The following COL22A1 variants were observed in gnomAD, a reference collection of about 807,000 sequenced individuals.
The protein encoded by COL22A1 is collagen alpha-1(XXII) chain.
A neutral mutation model predicts 248.9 loss-of-function variants in COL22A1; 221 were observed. The ratio of observed to expected loss-of-function variants is 0.89; its 90% CI spans 0.80 to 0.99. The LOEUF is 0.99. COL22A1 is among the 50% of genes least tolerant of loss of function. The pLI is 0.00. For synonymous variants in COL22A1, 891 were observed against 793.4 expected (o/e 1.12, Z -2.07); for missense variants, 2,240 against 2,179.0 (o/e 1.03, Z -0.56).
intron 3 of COL22A1, among the ~76,000 whole-genome samples, chr8:138,848,230 G>A (rs1821385376): frequency 6.6e-6 from 1 of 152,140 alleles, no homozygotes; most frequent in African/African-American, 2.4e-5. Context: ...CAAAGACACT[G>A]CTTCCTTAAA....
At chr8:138,615,012 T>C (rs1237132503) in intron 55 of COL22A1, among the ~76,000 whole-genome samples, 1 of 152,194 alleles carries the variant, frequency 6.6e-6, no homozygotes, top group African/African-American at 2.4e-5. Flanking sequence ...CTGGTGCCTC[T>C]GCATCTGACC....
intron 41 of COL22A1, among the ~76,000 whole-genome samples, chr8:138,664,207 G>A (rs867453726): frequency 0.01 from 900 of 87,448 alleles, 5 homozygotes; most frequent in Middle Eastern, 0.018. Context: ...GCGCGCGCGC[G>A]CGCACACACA....
chr8:138,618,291 A>C (rs1257517323), intron 53 of COL22A1, among the ~76,000 whole-genome samples: 1 of 152,194 alleles, frequency 6.6e-6, no homozygotes, highest in East Asian at 1.9e-4. Flanking sequence ...AACCCACTCC[A>C]TTCTACAAAG....
intron 16 of COL22A1, among the ~76,000 whole-genome samples, chr8:138,766,230 C>T (rs1194243762): frequency 3.3e-5 from 5 of 152,178 alleles, no homozygotes. Flanking sequence ...AGTCTGGAGC[C>T]AAGAGTTCCT....
At chr8:138,847,215 T>C (rs1187365738) in intron 3 of COL22A1, among the ~76,000 whole-genome samples, 1 of 152,156 alleles carries the variant, frequency 6.6e-6, no homozygotes, top group Non-Finnish European at 1.5e-5. Flanking sequence ...TCCAAACCCA[T>C]AACAGGCCTT....
chr8:138,795,878 T>C (rs1343927497), intron 12 of COL22A1, among the ~76,000 whole-genome samples: 1 of 152,128 alleles, frequency 6.6e-6, no homozygotes, highest in Non-Finnish European at 1.5e-5. Context: ...TGTAACTTAA[T>C]GGAGTGTTAC....
chr8:138,746,719 T>C (rs1252572509), intron 22 of COL22A1, among the ~76,000 whole-genome samples: 1 of 152,266 alleles, frequency 6.6e-6, no homozygotes, highest in Non-Finnish European at 1.5e-5. Context: ...TCACTCTTAG[T>C]TCACTCTCCT....
At chr8:138,839,083 G>C (rs1434625597) in intron 4 of COL22A1, among the ~76,000 whole-genome samples, 1 of 152,148 alleles carries the variant, frequency 6.6e-6, no homozygotes, top group East Asian at 1.9e-4. Context: ...AGCTCTTTCA[G>C]GAAAGGGATG....
chr8:138,865,029 T>C (rs768654718), intron 3 of COL22A1, among the ~76,000 whole-genome samples: 15 of 152,324 alleles, frequency 9.8e-5, no homozygotes, highest in Admixed American at 3.9e-4. Flanking sequence ...TGTTGTTAGA[T>C]TGATGTAAAT....
chr8:138,853,183 A>C (rs1821768722), intron 3 of COL22A1, among the ~76,000 whole-genome samples: 1 of 152,136 alleles, frequency 6.6e-6, no homozygotes, highest in South Asian at 2.1e-4. Flanking sequence ...TCAAAAAAGA[A>C]GGGGCAGCAT....
At chr8:138,789,561 C>G (rs1440150817) in intron 12 of COL22A1, among the ~76,000 whole-genome samples, 1 of 152,192 alleles carries the variant, frequency 6.6e-6, no homozygotes, top group Non-Finnish European at 1.5e-5. Context: ...TTTATATTTT[C>G]TGGTTCAGAG....
chr8:138,807,914 C>T, intron 9 of COL22A1, 102 bp from the exon 10 acceptor site: 4 of 1,191,248 alleles, frequency 3.4e-6, no homozygotes, highest in Non-Finnish European at 4.9e-6. Context: ...AAGCCAATGG[C>T]TTAGTAAGCC....
At chr8:138,715,992 C>G (rs1359085572) in intron 29 of COL22A1, among the ~76,000 whole-genome samples, 1 of 152,172 alleles carries the variant, frequency 6.6e-6, no homozygotes, top group Non-Finnish European at 1.5e-5. Context: ...CCATCTGCCT[C>G]CTCTGAAAAT....
intron 3 of COL22A1, among the ~76,000 whole-genome samples, chr8:138,861,161 G>C (rs1822426595): frequency 6.6e-6 from 1 of 152,214 alleles, no homozygotes; most frequent in African/African-American, 2.4e-5. Flanking sequence ...GGAGGCTGCA[G>C]TTCCACAGGG....
chr8:138,885,306 A>G (rs1054761360), intron 1 of COL22A1, among the ~76,000 whole-genome samples: 3 of 152,110 alleles, frequency 2.0e-5, no homozygotes, highest in African/African-American at 4.8e-5. Context: ...TGTCATTCCA[A>G]TTCTGCATGT....
intron 60 of COL22A1, among the ~76,000 whole-genome samples, chr8:138,601,528 C>T (rs1818010518): frequency 6.6e-6 from 1 of 152,110 alleles, no homozygotes; most frequent in Non-Finnish European, 1.5e-5. Flanking sequence ...AAACGAGACG[C>T]ATAAAGCCTC....
chr8:138,878,092 G>T lies in COL22A1; in HGVS notation c.316C>A (p.Arg106=). Residue 106 remains arginine (R), a synonymous_variant, in exon 3 of 65, where the codon CGG becomes AGG. Transcript: ENST00000303045. ...TTGCCCCCGTGGTAGGCGAGACGCC[G>T]GGCAGCCGCCTTGACCTCCTCCTGC... ...GSQEEVKAAA[R]RLAYHGGNTN... is the part of the protein sequence containing the mutation. 1 of 1,599,176 alleles carries T rather than the reference G, an allele frequency of 6.3e-7. No individual in the cohort carries two copies. Among genetic ancestry groups the T allele is most frequent in the Non-Finnish European group, 8.5e-7 (1 of 1,173,962 alleles).
chr8:138,771,174 T>C lies in COL22A1; in HGVS notation c.1803+4792A>G, dbSNP rs1328383882. On this transcript the variant is annotated intron_variant, in intron 16 of 64. Transcript: ENST00000303045. ...CAGGCTGCAGGGACTCAGAGGCTGATGGGGGCGTGGCTGAGGTTACTCCCT... is the reference window on the plus strand; with the variant it reads ...CAGGCTGCAGGGACTCAGAGGCTGACGGGGGCGTGGCTGAGGTTACTCCCT... Among the ~76,000 whole-genome samples, 3 of 152,164 alleles carry C rather than the reference T, an allele frequency of 2.0e-5. No homozygotes were observed. In the East Asian group the frequency reaches 5.8e-4, roughly 29 times the overall value.
At chr8:138,697,869 C>T (rs113403508) in intron 32 of COL22A1, among the ~76,000 whole-genome samples, 204 of 152,330 alleles carry the variant, frequency 1.3e-3, no homozygotes, top group African/African-American at 4.7e-3. Context: ...CGGGGAGACT[C>T]AGGCAATTGC....
Sources: gnomAD v4.1 joint callset for allele counts (sites outside exome capture counted in the v4.1 genomes callset) on GRCh38, gnomAD v4.1.1 for gene constraint, MANE v1.5 for transcripts, NCBI Gene and HGNC (gene_info 2026-07-23, HGNC 2026-07-21) for gene names.